SFMBT2: variants seen among roughly 807,000 people sequenced by gnomAD.
SFMBT2 encodes the protein Scm like with four mbt domains 2.
In SFMBT2, 38 loss-of-function variants were observed where a neutral mutation model predicts 110.1. The ratio of observed to expected loss-of-function variants is 0.35; its 90% CI spans 0.27 to 0.45. The LOEUF (loss-of-function observed/expected upper bound fraction) is 0.45. Among genes scored for constraint, SFMBT2 ranks in the 20% least tolerant of loss-of-function variants. SFMBT2 has a pLI of 1.00. For missense variants in SFMBT2, 1,011 were observed against 1,094.9 expected (o/e 0.92, Z 1.08); for synonymous variants, 425 against 425.4 (o/e 1.00, Z 0.01).
chr10:7,388,376 A>G (rs768580666), intron 1 of SFMBT2, among the ~76,000 whole-genome samples: 1 of 150,614 alleles, frequency 6.6e-6, no homozygotes, highest in African/African-American at 2.5e-5. Context: ...GATGATTGAG[A>G]TGGAGTATTT....
At chr10:7,348,185 T>C (rs1749362) in intron 4 of SFMBT2, 67,676 of 824,178 alleles carry the variant, frequency 0.082, 3,265 homozygotes, top group Non-Finnish European at 0.099. Context: ...TTTCAAAGGG[T>C]TTGGGTTGGT....
chr10:7,304,468 C>T (rs1474759374), intron 4 of SFMBT2, among the ~76,000 whole-genome samples: 2 of 152,162 alleles, frequency 1.3e-5, no homozygotes, highest in African/African-American at 4.8e-5. Context: ...TGGACTAATA[C>T]ACGTACTAAG....
At chr10:7,208,877 C>T (rs1022062558) in intron 11 of SFMBT2, among the ~76,000 whole-genome samples, 1 of 152,132 alleles carries the variant, frequency 6.6e-6, no homozygotes, top group Non-Finnish European at 1.5e-5. Flanking sequence ...ATCCTTTGAT[C>T]ATCTTTCCCA....
At chr10:7,246,159 G>T in intron 8 of SFMBT2, 12 of 984,782 alleles carry the variant, frequency 1.2e-5, no homozygotes, top group Non-Finnish European at 1.4e-5. Flanking sequence ...TATACGAAAC[G>T]GCATGACTTA....
chr10:7,197,824 CA>C, intron 14 of SFMBT2, 137 bp from the exon 15 acceptor site: 1 of 1,284,970 alleles, frequency 7.8e-7, no homozygotes, highest in East Asian at 2.6e-5. Context: ...GATGGGGAGT[CA>C]GGCGTAATAA....
At chr10:7,216,659 G>A (rs557607660) in intron 11 of SFMBT2, among the ~76,000 whole-genome samples, 3 of 152,162 alleles carry the variant, frequency 2.0e-5, no homozygotes, top group East Asian at 1.9e-4. Context: ...AAGTCTCCTC[G>A]TTTAAGCAAA....
intron 16 of SFMBT2, among the ~76,000 whole-genome samples, chr10:7,179,344 G>C (rs1838167597): frequency 7.4e-6 from 1 of 135,982 alleles, no homozygotes; most frequent in Admixed American, 8.3e-5. Flanking sequence ...AGGGACTCCA[G>C]GACCCACGTT....
At chr10:7,385,536 C>A (rs1845569495) in intron 1 of SFMBT2, among the ~76,000 whole-genome samples, 1 of 152,134 alleles carries the variant, frequency 6.6e-6, no homozygotes, top group Non-Finnish European at 1.5e-5. Context: ...CAGAATGTAT[C>A]CAGGAGAAAG....
intron 1 of SFMBT2, among the ~76,000 whole-genome samples, chr10:7,389,694 T>A (rs1000719208): frequency 6.6e-6 from 1 of 152,214 alleles, no homozygotes; most frequent in East Asian, 1.9e-4. Context: ...CTGTGTGACA[T>A]AAACAAATTA....
intron 2 of SFMBT2, among the ~76,000 whole-genome samples, chr10:7,371,142 G>A (rs1454379278): frequency 6.6e-6 from 1 of 152,100 alleles, no homozygotes; most frequent in Non-Finnish European, 1.5e-5. Flanking sequence ...GTTTTTTTGA[G>A]AGACAGAGTC....
chr10:7,244,732 A>G (rs1007469013), intron 8 of SFMBT2, among the ~76,000 whole-genome samples: 2 of 152,236 alleles, frequency 1.3e-5, no homozygotes, highest in African/African-American at 4.8e-5. Flanking sequence ...AGAGTTTTAC[A>G]AAGCTATGAT....
intron 4 of SFMBT2, among the ~76,000 whole-genome samples, chr10:7,330,512 C>T (rs1843532012): frequency 6.6e-6 from 1 of 152,204 alleles, no homozygotes; most frequent in African/African-American, 2.4e-5. Flanking sequence ...AGCAATGCAA[C>T]CTTAGCACAG....
intron 4 of SFMBT2, among the ~76,000 whole-genome samples, chr10:7,321,018 A>G (rs1049173093): frequency 6.6e-6 from 1 of 152,210 alleles, no homozygotes; most frequent in Non-Finnish European, 1.5e-5. Context: ...CTCAGGACCC[A>G]GCATGTGTTA....
At chr10:7,342,396 CTTTTTTTTTTTTTTTTTTTTT>C (rs71382101) in intron 4 of SFMBT2, among the ~76,000 whole-genome samples, 1 of 69,628 alleles carries the variant, frequency 1.4e-5, no homozygotes, top group East Asian at 4.2e-4. Flanking sequence ...TGGAGTGAGT[CTTTTTTTTTTTTTTTTTTTTT>C]TTTTTTTTTG....
intron 1 of SFMBT2, among the ~76,000 whole-genome samples, chr10:7,406,982 T>TGGC (rs1846229382): frequency 7.1e-6 from 1 of 141,586 alleles, no homozygotes; most frequent in African/African-American, 2.6e-5. Flanking sequence ...CCTAGAGGGT[T>TGGC]GGCGGGGGGG....
At chr10:7,262,740 G>A (rs1203296300) in intron 7 of SFMBT2, among the ~76,000 whole-genome samples, 1 of 152,144 alleles carries the variant, frequency 6.6e-6, no homozygotes, top group African/African-American at 2.4e-5. Flanking sequence ...TGGATTTTGC[G>A]ATTTTTATAG....
At chr10:7,409,676 T>G (rs1366984885) in intron 1 of SFMBT2, among the ~76,000 whole-genome samples, 1 of 152,074 alleles carries the variant, frequency 6.6e-6, no homozygotes, top group Non-Finnish European at 1.5e-5. Context: ...TTCCTTCTTT[T>G]TTTCCCCACT....
Position 7,408,066 on chromosome 10 carries a change from C to T in SFMBT2, c.-52+2795G>A, listed in dbSNP as rs932407853. Among the ~76,000 whole-genome samples, 4 of 152,270 alleles carry T rather than the reference C, an allele frequency of 2.6e-5. No individual in the cohort carries two copies. The highest frequency in any genetic ancestry group is 4.8e-5 in the African/African-American group (2 of 41,468). ...TGTACATCCGCTTCCACGGCACGGC[C>T]TCGTGCAAAATCGCGGGTTTCGGGG... On this transcript the variant is annotated intron_variant, in intron 1 of 20. Coordinates refer to ENST00000397167, the MANE Select transcript of SFMBT2 (RefSeq NM_001387889.1). The surrounding 1 kb of genome is among the most constrained non-coding windows in gnomAD (Gnocchi z 5.7).
intron 15 of SFMBT2, among the ~76,000 whole-genome samples, chr10:7,190,073 C>T (rs933671215): frequency 2.0e-4 from 31 of 152,222 alleles, no homozygotes; most frequent in African/African-American, 5.5e-4. Context: ...AGCCCGGCGA[C>T]GGCCTTTTCT....
Sources: allele counts gnomAD v4.1 joint callset (sites outside exome capture counted in the v4.1 genomes callset), GRCh38; gene constraint gnomAD v4.1.1; non-coding constraint Gnocchi (gnomAD v3.1); transcripts MANE v1.5; gene names NCBI Gene and HGNC (gene_info 2026-07-23, HGNC 2026-07-21).